The following NEDD1 variants were observed in gnomAD, a reference collection of about 807,000 sequenced individuals.
NEDD1 encodes the protein NEDD1 gamma-tubulin ring complex targeting factor, also known as protein NEDD1.
In NEDD1, 33 loss-of-function variants were observed where a neutral mutation model predicts 74.0. The ratio of observed to expected loss-of-function variants is 0.45; its 90% CI spans 0.34 to 0.60. The LOEUF (loss-of-function observed/expected upper bound fraction) is 0.60, where lower values mean the gene tolerates loss of function less well. Among genes scored for constraint, NEDD1 ranks in the 20% least tolerant of loss-of-function variants. The pLI, the probability that NEDD1 is intolerant of heterozygous loss-of-function variation, is 0.01. For missense variants in NEDD1, 746 were observed against 776.5 expected, an observed-to-expected ratio of 0.96 and a Z score of 0.47; for synonymous variants, 250 against 264.4, an observed-to-expected ratio of 0.95 and a Z score of 0.53.
intron 14 of NEDD1, among the ~76,000 whole-genome samples, chr12:96,948,615 T>TA (rs1217934312): frequency 1.3e-5 from 2 of 152,212 alleles, no homozygotes; most frequent in Admixed American, 6.5e-5. Context: ...ACCAACCTAA[T>TA]ACATCCTAAG....
intron 6 of NEDD1, chr12:96,924,898 G>C (rs776328877): frequency 2.5e-5 from 11 of 445,484 alleles, no homozygotes; most frequent in South Asian, 1.8e-4. Context: ...CCCAAATTCT[G>C]GAAGAAGCAT....
chr12:96,914,181 A>G (rs1485619011), intron 4 of NEDD1, among the ~76,000 whole-genome samples: 2 of 152,208 alleles, frequency 1.3e-5, no homozygotes. Flanking sequence ...CATCTTAACC[A>G]TCTTTGGATC....
At chr12:96,945,081 G>A (rs546444178) in intron 13 of NEDD1, among the ~76,000 whole-genome samples, 225 of 152,030 alleles carry the variant, frequency 1.5e-3, no homozygotes, top group African/African-American at 5.2e-3. Flanking sequence ...CCTTTGAAAA[G>A]GGTTGGTTAA....
At chr12:96,942,878 C>T (rs1877803493) in intron 11 of NEDD1, among the ~76,000 whole-genome samples, 1 of 149,238 alleles carries the variant, frequency 6.7e-6, no homozygotes, top group Admixed American at 6.8e-5. Context: ...TGTTTCCAAG[C>T]TCATTCCTAT....
Position 96,930,681 on chromosome 12 carries a change from G to A in NEDD1, c.490-4295G>A, listed in dbSNP as rs529409426. ...TCTATCACAAATAAGTTTAGGCAGA[G>A]TGAGTGAGCCACTCTTACGAGTTAA... On this transcript the variant is annotated intron_variant, in intron 6 of 15. Transcript: ENST00000266742. Among the ~76,000 whole-genome samples, 27 of 152,312 alleles carry A rather than the reference G, an allele frequency of 1.8e-4. No individual in the cohort carries two copies. The South Asian group carries it at 5.4e-3, about 30-fold the overall frequency.
intron 14 of NEDD1, among the ~76,000 whole-genome samples, 197 bp from the exon 15 acceptor site, chr12:96,951,235 C>T (rs781246456): frequency 7.9e-5 from 12 of 151,718 alleles, no homozygotes; most frequent in Admixed American, 1.3e-4. Flanking sequence ...ATATTTTAAA[C>T]GAGTTCTTAC....
intron 14 of NEDD1, 46 bp downstream of exon 14, chr12:96,945,895 T>G: frequency 8.0e-7 from 1 of 1,244,562 alleles, no homozygotes; most frequent in Admixed American, 2.1e-5. Context: ...TTACTTGTTT[T>G]TTTTTTAGAT....
At chr12:96,949,669 A>G (rs538484637) in intron 14 of NEDD1, among the ~76,000 whole-genome samples, 1 of 152,250 alleles carries the variant, frequency 6.6e-6, no homozygotes, top group South Asian at 2.1e-4. Flanking sequence ...TTAAAGTATA[A>G]TTAAGATATA....
intron 9 of NEDD1, among the ~76,000 whole-genome samples, chr12:96,938,270 G>A (rs1037107940): frequency 6.6e-6 from 1 of 151,812 alleles, no homozygotes; most frequent in African/African-American, 2.4e-5. Context: ...TTATATAAGA[G>A]CCATTATATA....
At chr12:96,926,334 C>T (rs1037105782) in intron 6 of NEDD1, among the ~76,000 whole-genome samples, 5 of 152,016 alleles carry the variant, frequency 3.3e-5, no homozygotes, top group African/African-American at 9.7e-5. Flanking sequence ...TTTCCCCTTT[C>T]CCTGGAACAA....
intron 13 of NEDD1, 137 bp from the exon 14 acceptor site, chr12:96,945,556 G>C: frequency 1.7e-6 from 1 of 592,616 alleles, no homozygotes; most frequent in South Asian, 2.3e-5. Flanking sequence ...ATTCCAGACA[G>C]TGAATTTTTC....
At chr12:96,945,361 A>G (rs1878092300) in intron 13 of NEDD1, among the ~76,000 whole-genome samples, 1 of 152,008 alleles carries the variant, frequency 6.6e-6, no homozygotes, top group Admixed American at 6.6e-5. Context: ...GTTTGTTTTT[A>G]ATAGTCTTGG....
chr12:96,942,847 A>G (rs1877800776), intron 11 of NEDD1, among the ~76,000 whole-genome samples: 1 of 152,076 alleles, frequency 6.6e-6, no homozygotes, highest in Admixed American at 6.6e-5. Context: ...ATTCAACTTA[A>G]GACTCAACTG....
In NEDD1 at chr12:96,944,620, A is replaced by C. The variant is rs1239218965; in HGVS notation, c.1498-19A>C. ...AAAAAAATTGTATATTAAAGTCATT[A>C]TTTATTTTAAATATAAAGTTAGCAA... On this transcript the variant is annotated intron_variant, in intron 12 of 15. Transcript: ENST00000266742. The C allele has an allele frequency of 2.0e-6, 3 of 1,485,276 alleles. No homozygotes were observed. The highest frequency in any genetic ancestry group is 1.9e-5 in the Admixed American group (1 of 51,838). 92.0% of individuals were successfully genotyped at this position (1,485,276 alleles called of 1,614,324 possible). A position where few individuals can be genotyped will look rare whatever the true frequency, so the allele number is the denominator to read the frequency against.
intron 6 of NEDD1, 131 bp downstream of exon 6, chr12:96,920,256 T>A (rs1415000094): frequency 5.6e-6 from 3 of 539,274 alleles, no homozygotes; most frequent in Non-Finnish European, 9.6e-6. Flanking sequence ...GGTAGTGTTT[T>A]AAAATATTCA....
chr12:96,944,243 G>A (rs150446438), intron 12 of NEDD1, among the ~76,000 whole-genome samples: 5 of 152,042 alleles, frequency 3.3e-5, no homozygotes, highest in Admixed American at 2.6e-4. Context: ...CTGTATTTTC[G>A]TATTTATTGT....
rs780126819 is a variant in NEDD1, at chr12:96,937,251, T to C, written c.975T>C (p.Ser325=). ...SNKPTTVNKR[S]VNVNAASGGV... ...AGCCCACAACAGTGAACAAACGAAG[T>C]GTTAATGTGAATGCTGCTAGTGGAG... is the stretch of plus-strand genomic sequence containing the variant. Residue 325 remains serine (S), a synonymous_variant, in exon 9 of 16, where the codon AGT becomes AGC. Transcript: ENST00000266742. 1 of 1,612,504 alleles carries C rather than the reference T, an allele frequency of 6.2e-7. No individual in the cohort carries two copies. The highest frequency in any genetic ancestry group is 2.2e-5 in the East Asian group (1 of 44,786).
intron 6 of NEDD1, among the ~76,000 whole-genome samples, chr12:96,927,644 G>A (rs1392782912): frequency 6.6e-6 from 1 of 152,164 alleles, no homozygotes; most frequent in Non-Finnish European, 1.5e-5. Context: ...ATGTTATTCA[G>A]TATATGTTAA....
chr12:96,935,015 C>T lies in NEDD1; in HGVS notation c.529C>T (p.Leu177=). The T allele has an allele frequency of 1.2e-6, 2 of 1,611,020 alleles. No individual in the cohort carries two copies. The highest frequency in any genetic ancestry group is 1.7e-6 in the Non-Finnish European group (2 of 1,177,178). The change falls in exon 7 of 16, where the codon CTA becomes TTA. Residue 177 remains leucine (L), a synonymous_variant. Coordinates refer to ENST00000266742, the MANE Select transcript of NEDD1 (RefSeq NM_152905.4). The part of the protein sequence containing the change: ...HLKYSLFKKS[L]LGSVSDNGIV... The stretch of plus-strand genomic sequence containing the variant: ...GAAGTACTCCTTGTTTAAGAAATCA[C>T]TACTGGGCAGTGTTTCGGATAATGG...
Sources: allele counts gnomAD v4.1 joint callset (sites outside exome capture counted in the v4.1 genomes callset), GRCh38; gene constraint gnomAD v4.1.1; transcripts MANE v1.5; gene names NCBI Gene and HGNC (gene_info 2026-07-23, HGNC 2026-07-21).